The following EPHA5 variants were observed in gnomAD, a reference collection of about 807,000 sequenced individuals.
The protein encoded by EPHA5 is EPH receptor A5.
A neutral mutation model predicts 105.0 loss-of-function variants in EPHA5; 60 were observed. The ratio of observed to expected loss-of-function variants is 0.57; its 90% confidence interval spans 0.46 to 0.71. The LOEUF (loss-of-function observed/expected upper bound fraction) is 0.71, where lower values mean the gene tolerates loss of function less well. Among genes scored for constraint, EPHA5 ranks in the 30% least tolerant of loss-of-function variants. The pLI, the probability that EPHA5 is intolerant of heterozygous loss-of-function variation, is 0.00. For missense variants in EPHA5, 1,218 were observed against 1,274.7 expected (o/e 0.96, Z 0.68); for synonymous variants, 513 against 449.1 (o/e 1.14, Z -1.80).
chr4:65,330,756 T>C (rs1470468353), intron 16 of EPHA5: 2 of 1,019,358 alleles, frequency 2.0e-6, no homozygotes, highest in Non-Finnish European at 2.4e-6. Flanking sequence ...AGTTTAAATA[T>C]AGCACAAATG....
intron 3 of EPHA5, chr4:65,574,384 A>T (rs1295324905): frequency 4.0e-5 from 28 of 701,004 alleles, no homozygotes; most frequent in Non-Finnish European, 5.2e-5. Flanking sequence ...ATAATAATAA[A>T]AAATAAAAAA....
At chr4:65,359,132 T>C (rs1227528594) in intron 11 of EPHA5, among the ~76,000 whole-genome samples, 2 of 151,574 alleles carry the variant, frequency 1.3e-5, no homozygotes, top group East Asian at 3.9e-4. Flanking sequence ...TCTATAAACC[T>C]ATATTTTTTT....
chr4:65,509,208 G>A (rs1392206327), intron 3 of EPHA5, among the ~76,000 whole-genome samples: 2 of 151,984 alleles, frequency 1.3e-5, no homozygotes, highest in East Asian at 1.9e-4. Context: ...GAAAATTCAC[G>A]CTCAAAATAA....
At chr4:65,373,738 A>G (rs1316456481) in intron 8 of EPHA5, among the ~76,000 whole-genome samples, 1 of 151,942 alleles carries the variant, frequency 6.6e-6, no homozygotes, top group Non-Finnish European at 1.5e-5. Flanking sequence ...TACAGATCAC[A>G]TAATAGGTAA....
chr4:65,385,750 A>G (rs1720015641), intron 8 of EPHA5, among the ~76,000 whole-genome samples: 1 of 151,890 alleles, frequency 6.6e-6, no homozygotes, highest in Admixed American at 6.6e-5. Flanking sequence ...GATTATATTC[A>G]CAAAAATGTA....
intron 5 of EPHA5, among the ~76,000 whole-genome samples, chr4:65,469,209 A>C (rs1729053728): frequency 1.3e-5 from 2 of 152,142 alleles, no homozygotes; most frequent in African/African-American, 4.8e-5. Flanking sequence ...TTCAGAAATG[A>C]AGCCAGACCC....
At chr4:65,501,921 C>A (rs1042204182) in intron 3 of EPHA5, among the ~76,000 whole-genome samples, 2 of 151,498 alleles carry the variant, frequency 1.3e-5, no homozygotes, top group Non-Finnish European at 3.0e-5. Context: ...ACGAATGGAA[C>A]ATAATAGAGA....
chr4:65,534,500 T>C (rs1736110226), intron 3 of EPHA5, among the ~76,000 whole-genome samples: 1 of 152,184 alleles, frequency 6.6e-6, no homozygotes, highest in African/African-American at 2.4e-5. Context: ...GGAAATACTT[T>C]TCAACTTATA....
chr4:65,563,156 T>G (rs1434452696), intron 3 of EPHA5, among the ~76,000 whole-genome samples: 1 of 152,004 alleles, frequency 6.6e-6, no homozygotes, highest in Admixed American at 6.6e-5. Context: ...TAGCCATACA[T>G]AGTTCTGAGG....
At chr4:65,545,009 A>G (rs1737236779) in intron 3 of EPHA5, among the ~76,000 whole-genome samples, 1 of 151,328 alleles carries the variant, frequency 6.6e-6, no homozygotes, top group Non-Finnish European at 1.5e-5. Context: ...TCTCTAAACT[A>G]TGTTTCAACA....
intron 3 of EPHA5, among the ~76,000 whole-genome samples, chr4:65,539,890 T>G (rs1410188123): frequency 6.6e-6 from 1 of 151,538 alleles, no homozygotes; most frequent in East Asian, 1.9e-4. Context: ...AAAATTCTAA[T>G]GTACCTATAT....
rs1250699420 is a variant in EPHA5, at chr4:65,322,013, G to T, written c.*2101C>A. 8.9e-6 allele frequency: 2 copies of T among 225,522 alleles called. No individual in the cohort carries two copies. Among genetic ancestry groups the T allele is most frequent in the East Asian group, 1.3e-4 (2 of 15,710 alleles). The allele number at this position is 225,522 out of a possible 1,614,324, so 14.0% of individuals were successfully genotyped here. On this transcript the variant is annotated 3_prime_UTR_variant, in exon 17 of 17. Coordinates refer to ENST00000613740, the MANE Select transcript of EPHA5 (RefSeq NM_001281766.3). ...AAAGTAATTTGTTTCATTAATTTCTGTTTATTGAAATGAACAAATGCATCT... is the reference window on the plus strand; with the variant it reads ...AAAGTAATTTGTTTCATTAATTTCTTTTTATTGAAATGAACAAATGCATCT...
intron 3 of EPHA5, among the ~76,000 whole-genome samples, chr4:65,578,105 T>A (rs1240227940): frequency 1.3e-5 from 2 of 152,160 alleles, no homozygotes; most frequent in Admixed American, 6.6e-5. Flanking sequence ...TATATCAACA[T>A]CTAATCTATC....
chr4:65,639,566 ATC>A (rs778922854), intron 2 of EPHA5, among the ~76,000 whole-genome samples: 1 of 152,108 alleles, frequency 6.6e-6, no homozygotes, highest in Non-Finnish European at 1.5e-5. Flanking sequence ...CTAGCTGTGA[ATC>A]TCTCTAGCTT....
At chr4:65,462,296 A>G (rs900054988) in intron 5 of EPHA5, among the ~76,000 whole-genome samples, 3 of 152,220 alleles carry the variant, frequency 2.0e-5, no homozygotes, top group African/African-American at 7.2e-5. Context: ...TATAAAAATG[A>G]TAGAATAATT....
intron 3 of EPHA5, among the ~76,000 whole-genome samples, chr4:65,561,215 T>C (rs1009833771): frequency 6.6e-6 from 1 of 152,004 alleles, no homozygotes; most frequent in Non-Finnish European, 1.5e-5. Flanking sequence ...AGTCCCCTTG[T>C]TCTTAAAAAT....
At chr4:65,575,881 G>A (rs1740844450) in intron 3 of EPHA5, among the ~76,000 whole-genome samples, 1 of 151,246 alleles carries the variant, frequency 6.6e-6, no homozygotes, top group Admixed American at 6.6e-5. Context: ...GGAGGCTGAG[G>A]CAGGAGAATT....
At chr4:65,535,030 T>A (rs1483904390) in intron 3 of EPHA5, among the ~76,000 whole-genome samples, 1 of 152,216 alleles carries the variant, frequency 6.6e-6, no homozygotes, top group Non-Finnish European at 1.5e-5. Context: ...ATGATTATTT[T>A]TTCAGTGCAA....
chr4:65,645,798 C>T (rs1748068462), intron 1 of EPHA5, among the ~76,000 whole-genome samples: 1 of 151,890 alleles, frequency 6.6e-6, no homozygotes, highest in Admixed American at 6.6e-5. Flanking sequence ...TAGTTTTATT[C>T]GTATATAGAC....
Sources: allele counts gnomAD v4.1 joint callset (sites outside exome capture counted in the v4.1 genomes callset), GRCh38; gene constraint gnomAD v4.1.1; transcripts MANE v1.5; gene names NCBI Gene and HGNC (gene_info 2026-07-23, HGNC 2026-07-21).